FGF14: variants seen among roughly 807,000 people sequenced by gnomAD.
FGF14 encodes the protein fibroblast growth factor 14.
A neutral mutation model predicts 25.5 loss-of-function variants in FGF14; 5 were observed. That is an observed-to-expected ratio of 0.20 (90% CI 0.10 to 0.41). The LOEUF (loss-of-function observed/expected upper bound fraction) is 0.41. FGF14 is among the 10% of genes least tolerant of loss of function. The probability of loss-of-function intolerance (pLI) is 1.00; values close to 1 mark genes in which losing one functional copy is unlikely to be tolerated. For synonymous variants in FGF14, 138 were observed against 118.3 expected, an observed-to-expected ratio of 1.17 and a Z score of -1.08; for missense variants, 222 against 320.1, an observed-to-expected ratio of 0.69 and a Z score of 2.34.
chr13:102,316,687 G>A (rs2056040188), intron 1 of FGF14, among the ~76,000 whole-genome samples: 1 of 152,134 alleles, frequency 6.6e-6, no homozygotes, highest in African/African-American at 2.4e-5. Flanking sequence ...TTGGCGTGTA[G>A]TTTTTCAGCC....
intron 2 of FGF14, among the ~76,000 whole-genome samples, chr13:101,874,874 A>G (rs1028192640): frequency 1.4e-4 from 22 of 152,152 alleles, no homozygotes; most frequent in African/African-American, 4.8e-4. Context: ...TTACCTAAAT[A>G]CACTAGTGTA....
chr13:101,851,061 T>C (rs2043821146), intron 3 of FGF14, among the ~76,000 whole-genome samples: 1 of 152,048 alleles, frequency 6.6e-6, no homozygotes, highest in African/African-American at 2.4e-5. Context: ...GTAGAGTCTT[T>C]AAAGTGAGTT....
At chr13:102,243,655 G>GT (rs3066872) in intron 1 of FGF14, among the ~76,000 whole-genome samples, 5,552 of 142,138 alleles carry the variant, frequency 0.039, 295 homozygotes, top group African/African-American at 0.12. Context: ...CTTTGGGCAT[G>GT]TTTTTTTTTT....
chr13:101,916,437 C>T lies in FGF14; in HGVS notation c.193+16G>A, dbSNP rs1289580080. Reference sequence around the variant, plus strand: ...GGCGACCCGGGGCGCATCTCCCGACCATGACCCCCACAGACCTTGGCGCCG... The same window carrying T: ...GGCGACCCGGGGCGCATCTCCCGACTATGACCCCCACAGACCTTGGCGCCG... On this transcript the variant is annotated intron_variant, in intron 1 of 4. Coordinates refer to ENST00000376143, the MANE Select transcript of FGF14 (RefSeq NM_004115.4). 2 of 1,613,856 alleles carry T rather than the reference C, an allele frequency of 1.2e-6. No individual in the cohort carries two copies. The highest frequency in any genetic ancestry group is 1.1e-5 in the South Asian group (1 of 91,076).
At chr13:101,797,659 T>C (rs959610944) in intron 3 of FGF14, among the ~76,000 whole-genome samples, 3 of 151,808 alleles carry the variant, frequency 2.0e-5, no homozygotes, top group African/African-American at 7.3e-5. Flanking sequence ...TTGTTCATTA[T>C]GAAAATGTAT....
chr13:101,767,376 C>G (rs2038474548), intron 3 of FGF14, among the ~76,000 whole-genome samples: 1 of 151,984 alleles, frequency 6.6e-6, no homozygotes, highest in South Asian at 2.1e-4. Context: ...TTTAAAAGCT[C>G]CCTAGGGTTT....
intron 1 of FGF14, among the ~76,000 whole-genome samples, chr13:102,181,943 C>T (rs781161991): frequency 2.6e-5 from 4 of 152,150 alleles, no homozygotes; most frequent in African/African-American, 4.8e-5. Context: ...GGGAGCGCGG[C>T]CCTGCTGAAA....
At chr13:101,730,199 T>C (rs538601061) in intron 3 of FGF14, among the ~76,000 whole-genome samples, 1 of 152,340 alleles carries the variant, frequency 6.6e-6, no homozygotes, top group Admixed American at 6.5e-5. Flanking sequence ...TACAAATCTG[T>C]TGTCAGTGTG....
intron 3 of FGF14, among the ~76,000 whole-genome samples, chr13:101,823,877 T>C (rs1026091444): frequency 6.7e-6 from 1 of 148,912 alleles, no homozygotes; most frequent in Admixed American, 6.8e-5. Context: ...CAGAAATATA[T>C]TAAAAATCCT....
intron 1 of FGF14, among the ~76,000 whole-genome samples, chr13:102,047,031 T>C (rs960552530): frequency 6.6e-6 from 1 of 152,104 alleles, no homozygotes; most frequent in Admixed American, 6.6e-5. Flanking sequence ...AGTATTCAAA[T>C]AATCAAAATC....
At chr13:102,326,192 C>T (rs543448625) in intron 1 of FGF14, among the ~76,000 whole-genome samples, 1 of 152,182 alleles carries the variant, frequency 6.6e-6, no homozygotes, top group Admixed American at 6.5e-5. Flanking sequence ...ATCAAAGCAT[C>T]AAATGCAAGC....
chr13:102,281,104 T>C (rs1472559924), intron 1 of FGF14, among the ~76,000 whole-genome samples: 2 of 152,344 alleles, frequency 1.3e-5, no homozygotes, highest in Non-Finnish European at 1.5e-5. Context: ...AGTAGTAATA[T>C]TTTCACAAGG....
intron 1 of FGF14, among the ~76,000 whole-genome samples, chr13:102,152,106 C>T (rs573835461): frequency 1.3e-5 from 2 of 152,284 alleles, no homozygotes; most frequent in African/African-American, 4.8e-5. Flanking sequence ...TCACACCCCA[C>T]ACTCAGGAAC....
chr13:102,275,834 A>G (rs1192695285), intron 1 of FGF14, among the ~76,000 whole-genome samples: 1 of 152,166 alleles, frequency 6.6e-6, no homozygotes, highest in African/African-American at 2.4e-5. Flanking sequence ...GCAAAAAGGA[A>G]CAGTTATTTA....
chr13:101,858,427 G>A (rs993455305), intron 3 of FGF14, among the ~76,000 whole-genome samples: 1 of 151,856 alleles, frequency 6.6e-6, no homozygotes, highest in African/African-American at 2.4e-5. Flanking sequence ...TGGCTTCCTT[G>A]GCATTTACGT....
At chr13:102,102,971 A>T (rs2044730630) in intron 1 of FGF14, among the ~76,000 whole-genome samples, 1 of 152,218 alleles carries the variant, frequency 6.6e-6, no homozygotes, top group African/African-American at 2.4e-5. Context: ...AATTCCAGGG[A>T]AAGATCTAAA....
At chr13:101,994,372 A>G (rs970546543) in intron 1 of FGF14, among the ~76,000 whole-genome samples, 3 of 152,100 alleles carry the variant, frequency 2.0e-5, no homozygotes, top group African/African-American at 7.2e-5. Context: ...AAAGGTCTTG[A>G]TAAAAATCTA....
chr13:102,301,739 A>T (rs990854440), intron 1 of FGF14, among the ~76,000 whole-genome samples: 1 of 151,068 alleles, frequency 6.6e-6, no homozygotes, highest in Non-Finnish European at 1.5e-5. Context: ...GACTAACCTC[A>T]AGTGCGCCTT....
chr13:102,260,070 C>A (rs935615127), intron 1 of FGF14, among the ~76,000 whole-genome samples: 1 of 150,460 alleles, frequency 6.6e-6, no homozygotes, highest in South Asian at 2.2e-4. Flanking sequence ...CAAGAAAGAG[C>A]GGGGAGGAGG....
Sources: allele counts gnomAD v4.1 joint callset (sites outside exome capture counted in the v4.1 genomes callset), GRCh38; gene constraint gnomAD v4.1.1; transcripts MANE v1.5; gene names NCBI Gene and HGNC (gene_info 2026-07-23, HGNC 2026-07-21).